Variants in ASIC2 observed in about 807,000 individuals in gnomAD.
ASIC2 encodes the protein acid sensing ion channel subunit 2.
ASIC2 carries 25 observed loss-of-function variants against 57.3 expected under a neutral mutation model. The observed-to-expected ratio is 0.44, with a 90% CI of 0.32 to 0.61. ASIC2 has a LOEUF of 0.61. Among genes scored for constraint, ASIC2 ranks in the 20% least tolerant of loss-of-function variants. The probability of loss-of-function intolerance (pLI) is 0.06; values close to 1 mark genes in which losing one functional copy is unlikely to be tolerated. For missense variants in ASIC2, 641 were observed against 738.1 expected (o/e 0.87, Z 1.52); for synonymous variants, 319 against 307.5 (o/e 1.04, Z -0.39).
At chr17:33,870,683 C>T (rs1256297671) in intron 1 of ASIC2, among the ~76,000 whole-genome samples, 1 of 151,996 alleles carries the variant, frequency 6.6e-6, no homozygotes, top group Non-Finnish European at 1.5e-5. Flanking sequence ...GGGAGCTATT[C>T]ACTAATCAAT....
At chr17:34,146,202 C>T (rs1567615727) in intron 1 of ASIC2, among the ~76,000 whole-genome samples, 1 of 152,090 alleles carries the variant, frequency 6.6e-6, no homozygotes, top group Non-Finnish European at 1.5e-5. Context: ...TGAGGGCCAC[C>T]CTTGGGAATT....
chr17:33,254,296 CCCCTGT>C (rs1908983597), intron 1 of ASIC2, among the ~76,000 whole-genome samples: 1 of 152,160 alleles, frequency 6.6e-6, no homozygotes, highest in African/African-American at 2.4e-5. Context: ...AGTTGTGCCT[CCCCTGT>C]CCCTGTCCTC....
At chr17:33,947,025 T>C (rs1165151458) in intron 1 of ASIC2, among the ~76,000 whole-genome samples, 3 of 151,994 alleles carry the variant, frequency 2.0e-5, no homozygotes, top group African/African-American at 7.2e-5. Flanking sequence ...TTCCACTGAG[T>C]AATAGAGGAG....
chr17:33,611,327 G>A (rs1049787476), intron 1 of ASIC2, among the ~76,000 whole-genome samples: 5 of 152,164 alleles, frequency 3.3e-5, no homozygotes, highest in African/African-American at 9.7e-5. Context: ...AAGCTCACAC[G>A]CGACCCTTCC....
At chr17:33,507,465 T>C (rs1333404912) in intron 1 of ASIC2, among the ~76,000 whole-genome samples, 1 of 152,240 alleles carries the variant, frequency 6.6e-6, no homozygotes, top group African/African-American at 2.4e-5. Flanking sequence ...TATTTGGAGT[T>C]TGCATCCTCT....
intron 1 of ASIC2, among the ~76,000 whole-genome samples, chr17:34,099,113 AGAGAGAGAGAGAGAGAGAGAG>A (rs1910660499): frequency 7.6e-3 from 271 of 35,666 alleles, no homozygotes; most frequent in Non-Finnish European, 9.1e-3. Context: ...AGAGAGAGAG[AGAGAGAGAGAGAGAGAGAGAG>A]AGAGAGAGAG....
chr17:33,829,391 T>C (rs8076813), intron 1 of ASIC2, among the ~76,000 whole-genome samples: 122,971 of 152,070 alleles, frequency 0.81, 50,063 homozygotes, highest in African/African-American at 0.84. Context: ...GAAGGTCTCT[T>C]TTGCTTGTTT....
chr17:33,459,518 A>C (rs192771081), intron 1 of ASIC2, among the ~76,000 whole-genome samples: 102 of 152,366 alleles, frequency 6.7e-4, no homozygotes, highest in Non-Finnish European at 8.2e-4. Context: ...GTAGCTCTGC[A>C]TAACGAGAGG....
chr17:34,015,169 C>G (rs535806793), intron 1 of ASIC2, among the ~76,000 whole-genome samples: 147 of 151,610 alleles, frequency 9.7e-4, no homozygotes, highest in Middle Eastern at 3.4e-3. Flanking sequence ...TTGGCCTCCC[C>G]AAGTGCTGGG....
At chr17:33,974,192 G>A (rs1905303367) in intron 1 of ASIC2, among the ~76,000 whole-genome samples, 2 of 152,080 alleles carry the variant, frequency 1.3e-5, no homozygotes, top group Non-Finnish European at 2.9e-5. Flanking sequence ...TGGCTTGCAA[G>A]TCAGGAGCCC....
intron 1 of ASIC2, among the ~76,000 whole-genome samples, chr17:33,755,658 G>A (rs947334467): frequency 2.0e-5 from 3 of 152,174 alleles, no homozygotes; most frequent in African/African-American, 7.2e-5. Flanking sequence ...ATACTGAAAG[G>A]GAAATTAGTT....
chr17:33,708,242 T>A (rs530265822), intron 1 of ASIC2, among the ~76,000 whole-genome samples: 1 of 152,358 alleles, frequency 6.6e-6, no homozygotes, highest in Admixed American at 6.5e-5. Context: ...TTTACAGAGT[T>A]CCAGAATGGA....
chr17:33,249,625 G>T (rs1489432011), intron 1 of ASIC2, among the ~76,000 whole-genome samples: 1 of 152,126 alleles, frequency 6.6e-6, no homozygotes, highest in Non-Finnish European at 1.5e-5. Flanking sequence ...TGGCCTTCAC[G>T]CCAAGACCGA....
chr17:33,162,328 C>T lies in ASIC2; in HGVS notation c.709-50261G>A, dbSNP rs1382521600. ...GATGCTCAGATGACACTTGTTTCAG[C>T]GTTTTGGGCCAAAAAGCATCGCCAC... On this transcript the variant is annotated intron_variant, in intron 1 of 9. Coordinates refer to ENST00000225823, the MANE Select transcript of ASIC2 (RefSeq NM_183377.2). Among the ~76,000 whole-genome samples the T allele has an allele frequency of 3.9e-5, 6 of 152,170 alleles. No homozygotes were observed. In the South Asian group the frequency reaches 6.2e-4, roughly 16 times the overall value.
intron 1 of ASIC2, among the ~76,000 whole-genome samples, chr17:33,729,543 A>C (rs966921552): frequency 1.3e-5 from 2 of 152,216 alleles, no homozygotes; most frequent in Non-Finnish European, 2.9e-5. Context: ...TGGTTAATGT[A>C]AAAGGAAGTC....
In ASIC2 at chr17:33,013,329, G is replaced by A. The variant is rs2091787859; in HGVS notation, c.*636C>T. ...GAAGAACGACATGGGCACCATGGGT[G>A]AACACAGGCGTCCCCCACCCGCTGG... is the stretch of plus-strand genomic sequence containing the variant. On this transcript the variant is annotated 3_prime_UTR_variant, in exon 10 of 10. Coordinates refer to ENST00000225823, the MANE Select transcript of ASIC2 (RefSeq NM_183377.2). The A allele has an allele frequency of 6.5e-6, 1 of 154,286 alleles. No individual in the cohort carries two copies. Among genetic ancestry groups the A allele is most frequent in the Admixed American group, 6.3e-5 (1 of 15,826 alleles). The allele number at this position is 154,286 out of a possible 1,614,324, so 9.6% of individuals were successfully genotyped here.
At chr17:34,087,063 T>A (rs905821280) in intron 1 of ASIC2, among the ~76,000 whole-genome samples, 1 of 152,196 alleles carries the variant, frequency 6.6e-6, no homozygotes, top group African/African-American at 2.4e-5. Flanking sequence ...TCGTTCTGTG[T>A]GAATTTGATC....
At chr17:34,038,877 C>G in intron 1 of ASIC2, 1 of 1,612,490 alleles carries the variant, frequency 6.2e-7, no homozygotes, top group Non-Finnish European at 8.5e-7. Context: ...TCTATCTCTT[C>G]CCTCTGTGAA....
At chr17:33,632,511 C>T (rs991760022) in intron 1 of ASIC2, among the ~76,000 whole-genome samples, 1 of 152,120 alleles carries the variant, frequency 6.6e-6, no homozygotes, top group Admixed American at 6.5e-5. Context: ...ACCCCTACCC[C>T]CAACCCTTGA....
Sources: allele counts gnomAD v4.1 joint callset (sites outside exome capture counted in the v4.1 genomes callset), GRCh38; gene constraint gnomAD v4.1.1; transcripts MANE v1.5; gene names NCBI Gene and HGNC (gene_info 2026-07-23, HGNC 2026-07-21).